Variants in SNHG17 observed in about 807,000 individuals in gnomAD.
SNHG17 encodes the protein small nucleolar RNA host gene 17, also known as small nucleolar RNA host gene 17 (non-protein coding).
intron 3 of SNHG17, among the ~76,000 whole-genome samples, chr20:38,430,516 G>A (rs1032446672): frequency 3.3e-5 from 5 of 152,028 alleles, no homozygotes; most frequent in African/African-American, 9.7e-5. Flanking sequence ...AGCTACTCAG[G>A]AGACTGAGGC....
intron 2 of SNHG17, among the ~76,000 whole-genome samples, chr20:38,433,409 G>A (rs536055749): frequency 6.6e-6 from 1 of 152,282 alleles, no homozygotes; most frequent in South Asian, 2.1e-4. Context: ...CACTTTGGAA[G>A]ACTGAGGGAA....
At chr20:38,424,752 G>A (rs1260776917) in intron 5 of SNHG17, among the ~76,000 whole-genome samples, 1 of 152,124 alleles carries the variant, frequency 6.6e-6, no homozygotes, top group Non-Finnish European at 1.5e-5. Flanking sequence ...GGGAGCTCTA[G>A]GAAGGGGTAA....
chr20:38,426,138 T>C (rs752775), intron 4 of SNHG17: 31,203 of 151,304 alleles, frequency 0.21, 3,657 homozygotes, highest in African/African-American at 0.33. Flanking sequence ...CACTAGCTAA[T>C]TGCCTGCCTC....
intron 2 of SNHG17, chr20:38,432,171 A>C: frequency 6.1e-6 from 6 of 985,470 alleles, no homozygotes; most frequent in Non-Finnish European, 7.2e-6. Flanking sequence ...AGAAGCCACC[A>C]GGTGGTAAAC....
At chr20:38,425,203 G>A (rs746756758) in intron 5 of SNHG17, 26 of 518,968 alleles carry the variant, frequency 5.0e-5, no homozygotes, top group Admixed American at 1.9e-4. Context: ...AGGCATGTAC[G>A]AAAGCTCCAG....
At chr20:38,434,948 C>A in intron 1 of SNHG17, 1 of 1,227,770 alleles carries the variant, frequency 8.1e-7, no homozygotes, top group Non-Finnish European at 1.0e-6. Context: ...AGCCTCCCCG[C>A]AGAGTAGCTG....
At chr20:38,430,400 C>T (rs536848877) in intron 3 of SNHG17, among the ~76,000 whole-genome samples, 4 of 152,110 alleles carry the variant, frequency 2.6e-5, no homozygotes, top group South Asian at 2.1e-4. Flanking sequence ...GAGGCCAAGG[C>T]GGGTGGATTG....
chr20:38,426,989 TACACATACACACACACACAC>T (rs1347084213), intron 3 of SNHG17, among the ~76,000 whole-genome samples: 1 of 112,688 alleles, frequency 8.9e-6, no homozygotes, highest in African/African-American at 4.9e-5. Context: ...GTCCCCAAGT[TACACATACACACACACACAC>T]ACACACACAC....
intron 2 of SNHG17, chr20:38,433,978 C>A (rs547366523): frequency 1.9e-6 from 1 of 518,950 alleles, no homozygotes; most frequent in Non-Finnish European, 3.8e-6. Flanking sequence ...AGGCAGCCCA[C>A]GATCACTTTC....
At chr20:38,428,952 G>A (rs1247228938) in intron 3 of SNHG17, 2 of 152,288 alleles carry the variant, frequency 1.3e-5, no homozygotes, top group Non-Finnish European at 2.9e-5. Context: ...ATCCTGTGAA[G>A]GGGTGGAAAA....
In SNHG17 at chr20:38,426,139, T is replaced by C. The variant is rs550319386; in HGVS notation, n.466-91A>G. 7.2e-5 allele frequency: 11 copies of C among 151,734 alleles called. No individual in the cohort carries two copies. In the East Asian group the frequency reaches 1.9e-3, roughly 27 times the overall value. The allele number at this position is 151,734 out of a possible 1,614,324, so 9.4% of individuals were successfully genotyped here. ...AGTCCAGAGAAAACCACTAGCTAATTGCCTGCCTCCAAAATGCAGTACTCC... is the reference window on the plus strand; with the variant it reads ...AGTCCAGAGAAAACCACTAGCTAATCGCCTGCCTCCAAAATGCAGTACTCC... On this transcript the variant is annotated intron_variant and non_coding_transcript_variant, in intron 4 of 8. Coordinates refer to ENST00000654008, the Ensembl canonical transcript of SNHG17.
chr20:38,433,787 C>G, intron 2 of SNHG17: 1 of 518,508 alleles, frequency 1.9e-6, no homozygotes, highest in Non-Finnish European at 3.8e-6. Flanking sequence ...TGGAACCCTG[C>G]ACTGAGCCTT....
chr20:38,434,545 G>A (rs890981657), exon 2 of SNHG17: 4 of 165,748 alleles, frequency 2.4e-5, no homozygotes, highest in Admixed American at 1.1e-4. Context: ...AGCCCCTCAG[G>A]GGGTGCAGAT....
intron 2 of SNHG17, chr20:38,433,791 G>A (rs1000630605): frequency 1.9e-6 from 1 of 518,628 alleles, no homozygotes; most frequent in Non-Finnish European, 3.8e-6. Context: ...ACCCTGCACT[G>A]AGCCTTGCAC....
intron 5 of SNHG17, among the ~76,000 whole-genome samples, chr20:38,425,648 CCA>C (rs892134330): frequency 5.9e-5 from 9 of 152,136 alleles, no homozygotes; most frequent in Non-Finnish European, 1.2e-4. Context: ...GGTTCTGGGA[CCA>C]CAGTTTGAGA....
chr20:38,433,236 A>C (rs1317350252), intron 2 of SNHG17, among the ~76,000 whole-genome samples: 1 of 152,190 alleles, frequency 6.6e-6, no homozygotes, highest in Non-Finnish European at 1.5e-5. Context: ...TTGGCCTCTC[A>C]GAGTGCTGGG....
Position 38,424,609 on chromosome 20 carries a change from C to T in SNHG17, n.579+1326G>A, listed in dbSNP as rs144306818. 2.0e-5 allele frequency among the ~76,000 whole-genome samples: 3 copies of T among 152,324 alleles called. No homozygotes were observed. In the East Asian group the frequency reaches 5.8e-4, roughly 29 times the overall value. Reference sequence around the variant, plus strand: ...GTCAGTTACCAGGCACCATGTGAAACAAGACAGAGGCACTGCCCTGAGGAA... The same window carrying T: ...GTCAGTTACCAGGCACCATGTGAAATAAGACAGAGGCACTGCCCTGAGGAA... On this transcript the variant is annotated intron_variant and non_coding_transcript_variant, in intron 5 of 8. Transcript: ENST00000654008.
chr20:38,422,736 G>C (rs1326535315), intron 5 of SNHG17, among the ~76,000 whole-genome samples: 1 of 152,076 alleles, frequency 6.6e-6, no homozygotes, highest in African/African-American at 2.4e-5. Context: ...AATGGAAAAA[G>C]AAAATGTGGC....
chr20:38,424,300 G>A (rs1458034350), intron 5 of SNHG17, among the ~76,000 whole-genome samples: 7 of 151,974 alleles, frequency 4.6e-5, no homozygotes, highest in South Asian at 2.1e-4. Context: ...GGAGAGCCCC[G>A]CACCTACCAT....
Sources: allele counts gnomAD v4.1 joint callset (sites outside exome capture counted in the v4.1 genomes callset), GRCh38; gene constraint gnomAD v4.1.1; transcripts MANE v1.5; gene names NCBI Gene and HGNC (gene_info 2026-07-23, HGNC 2026-07-21).